SEM1: variants seen among roughly 807,000 people sequenced by gnomAD.
SEM1 encodes the protein 26S proteasome complex subunit SEM1.
In SEM1, 3 loss-of-function variants were observed where a neutral mutation model predicts 12.7. That is an observed-to-expected ratio of 0.24 (90% CI 0.11 to 0.61). SEM1 has a LOEUF of 0.61. Among genes scored for constraint, SEM1 ranks in the 20% least tolerant of loss-of-function variants. The probability of loss-of-function intolerance (pLI) is 0.88; values close to 1 mark genes in which losing one functional copy is unlikely to be tolerated. For missense variants in SEM1, 59 were observed against 81.3 expected (o/e 0.73, Z 1.06); for synonymous variants, 30 against 27.8 (o/e 1.08, Z -0.25).
At chr7:96,560,097 G>A (rs766379611) in intron 2 of SEM1, among the ~76,000 whole-genome samples, 4 of 152,144 alleles carry the variant, frequency 2.6e-5, no homozygotes, top group African/African-American at 4.8e-5. Context: ...CATGTGGCAC[G>A]TAGGTTGCTT....
chr7:96,557,619 C>T (rs1384936943), intron 2 of SEM1, among the ~76,000 whole-genome samples: 2 of 102,128 alleles, frequency 2.0e-5, no homozygotes. Flanking sequence ...ACATTTAAGT[C>T]TGCAGAGGTT....
chr7:96,501,170 C>T (rs936341345), upstream of SEM1, among the ~76,000 whole-genome samples: 4 of 152,100 alleles, frequency 2.6e-5, no homozygotes, highest in Non-Finnish European at 4.4e-5. Context: ...GCTCATCTGT[C>T]CCCTCTAGTC....
intron 2 of SEM1, among the ~76,000 whole-genome samples, chr7:96,663,714 T>C (rs73392900): frequency 0.021 from 3,211 of 152,098 alleles, 87 homozygotes; most frequent in African/African-American, 0.074. Flanking sequence ...TTACCACACA[T>C]ACCAGAAAGG....
At chr7:96,663,972 A>C (rs1315833550) in intron 2 of SEM1, among the ~76,000 whole-genome samples, 1 of 152,248 alleles carries the variant, frequency 6.6e-6, no homozygotes, top group Non-Finnish European at 1.5e-5. Context: ...GTTAGAGTTG[A>C]ATATACCAAG....
intron 1 of SEM1, among the ~76,000 whole-genome samples, chr7:96,702,811 A>C (rs1790310245): frequency 6.6e-6 from 1 of 152,236 alleles, no homozygotes; most frequent in Non-Finnish European, 1.5e-5. Flanking sequence ...ATAATGTTCC[A>C]CCTAAAAAGA....
At position 96,599,523 on chromosome 7, in the gene SEM1, G is replaced by A. The variant is rs141760398; in HGVS notation, c.171-92825C>T. On this transcript the variant is annotated intron_variant and NMD_transcript_variant, in intron 2 of 3. Transcript: ENST00000466986. ...TTGCTGATGAGACTGGTATCAGGTT[G>A]TATTACGTCCCCACTTGCTTCAACA... 2.1e-4 allele frequency among the ~76,000 whole-genome samples: 32 copies of A among 152,296 alleles called. No homozygotes were observed. In the East Asian group the frequency reaches 5.6e-3, roughly 27 times the overall value.
intron 2 of SEM1, among the ~76,000 whole-genome samples, chr7:96,644,635 C>T (rs1472448205): frequency 2.6e-5 from 4 of 152,104 alleles, no homozygotes; most frequent in Admixed American, 2.6e-4. Context: ...CTCTGTGCAC[C>T]CAGTTTCCCC....
chr7:96,481,639 A>T (rs1802547127), exon 4 of SEM1: 1 of 152,162 alleles, frequency 6.6e-6, no homozygotes, highest in Non-Finnish European at 1.5e-5. Flanking sequence ...TTATATGTTT[A>T]TTAAAGTCTT....
intron 2 of SEM1, among the ~76,000 whole-genome samples, chr7:96,507,424 G>C (rs1803788548): frequency 6.6e-6 from 1 of 151,972 alleles, no homozygotes; most frequent in Non-Finnish European, 1.5e-5. Context: ...GGAACGAAAA[G>C]CACAACCCCA....
At position 96,664,339 on chromosome 7, in the gene SEM1, G is replaced by C. The variant is rs1358700208; in HGVS notation, c.170+30459C>G. On this transcript the variant is annotated intron_variant, in intron 2 of 2. Transcript: ENST00000417009. Reference sequence around the variant, plus strand: ...CATTGTTGGCACAATTCCGTTCTTTGAGGTTGTAGGACTGAGTTCCCTGTT... The same window carrying C: ...CATTGTTGGCACAATTCCGTTCTTTCAGGTTGTAGGACTGAGTTCCCTGTT... 3.9e-5 allele frequency: 6 copies of C among 152,314 alleles called. No individual in the cohort carries two copies. The East Asian group carries it at 9.6e-4, about 24-fold the overall frequency. The allele number at this position is 152,314 out of a possible 1,614,324, so 9.4% of individuals were successfully genotyped here.
intron 2 of SEM1, among the ~76,000 whole-genome samples, chr7:96,631,081 A>G (rs1002829691): frequency 3.9e-5 from 6 of 152,108 alleles, no homozygotes; most frequent in East Asian, 3.9e-4. Flanking sequence ...TGGAGCCACA[A>G]GCTGTGCAGC....
At chr7:96,563,879 A>AT (rs5885968) in intron 2 of SEM1, among the ~76,000 whole-genome samples, 88,493 of 151,746 alleles carry the variant, frequency 0.58, 27,341 homozygotes, top group Non-Finnish European at 0.69. Flanking sequence ...AAAAATTCAC[A>AT]TTTTTTCTGA....
intron 2 of SEM1, among the ~76,000 whole-genome samples, chr7:96,602,737 A>G (rs2116197233): frequency 6.6e-6 from 1 of 152,352 alleles, no homozygotes; most frequent in African/African-American, 2.4e-5. Flanking sequence ...AAATAAGGGG[A>G]CAGATGGTAC....
At position 96,608,306 on chromosome 7, in the gene SEM1, G is replaced by A. The variant is rs180777759; in HGVS notation, c.170+86492C>T. ...GGAGGTTCCAACTCTGAATTTGAGT[G>A]TGTTGGTTGGAACCCTACTTCCGAG... On this transcript the variant is annotated intron_variant and NMD_transcript_variant, in intron 2 of 3. Transcript: ENST00000466986. Among the ~76,000 whole-genome samples, 128 of 152,274 alleles carry A rather than the reference G, an allele frequency of 8.4e-4. 1 individual carries two copies. The highest frequency in any genetic ancestry group is 3.0e-3 in the African/African-American group (124 of 41,558).
chr7:96,570,667 T>G (rs1348605685), intron 2 of SEM1, among the ~76,000 whole-genome samples: 7 of 152,204 alleles, frequency 4.6e-5, no homozygotes, highest in Non-Finnish European at 5.9e-5. Flanking sequence ...AACATATGTG[T>G]GCATGTGTCT....
chr7:96,482,889 G>T (rs1339033362), exon 4 of SEM1: 2 of 152,134 alleles, frequency 1.3e-5, no homozygotes, highest in Non-Finnish European at 2.9e-5. Flanking sequence ...CAACTAGGCT[G>T]GCTTTGTTCT....
At chr7:96,505,102 T>C (rs1021496415) in intron 3 of SEM1, among the ~76,000 whole-genome samples, 21 of 151,732 alleles carry the variant, frequency 1.4e-4, no homozygotes, top group Admixed American at 7.9e-4. Context: ...ATCTATCTAT[T>C]TATTTATTTA....
intron 2 of SEM1, among the ~76,000 whole-genome samples, chr7:96,554,732 CCT>C (rs1331938636): frequency 6.7e-6 from 1 of 150,088 alleles, no homozygotes; most frequent in East Asian, 2.0e-4. Context: ...GGGAGGATTC[CCT>C]CTTTTTCTAT....
intron 2 of SEM1, among the ~76,000 whole-genome samples, chr7:96,559,638 T>G (rs1296600670): frequency 2.0e-5 from 3 of 152,222 alleles, no homozygotes; most frequent in Admixed American, 2.0e-4. Context: ...CAATCTTTTG[T>G]GTTAGTAAAT....
Sources: allele counts gnomAD v4.1 joint callset (sites outside exome capture counted in the v4.1 genomes callset), GRCh38; gene constraint gnomAD v4.1.1; transcripts MANE v1.5; gene names NCBI Gene and HGNC (gene_info 2026-07-23, HGNC 2026-07-21).